The following TBCD variants were observed in gnomAD, a reference collection of about 807,000 sequenced individuals.
The protein encoded by TBCD is tubulin folding cofactor D, also known as tubulin-specific chaperone D.
TBCD carries 105 observed loss-of-function variants against 169.3 expected under a neutral mutation model. The ratio of observed to expected loss-of-function variants is 0.62; its 90% CI spans 0.53 to 0.73. TBCD has a LOEUF of 0.73. Among genes scored for constraint, TBCD ranks in the 30% least tolerant of loss-of-function variants. TBCD has a pLI of 0.00. For missense variants in TBCD, 1,444 were observed against 1,600.1 expected (o/e 0.90, Z 1.66); for synonymous variants, 700 against 643.9 (o/e 1.09, Z -1.32).
At chr17:82,855,305 C>G (rs78470820) in intron 13 of TBCD, among the ~76,000 whole-genome samples, 2,445 of 128,870 alleles carry the variant, frequency 0.019, 89 homozygotes, top group African/African-American at 0.067. Flanking sequence ...CTGTTGCTCA[C>G]GCTGGAGTGA....
intron 1 of TBCD, among the ~76,000 whole-genome samples, chr17:82,752,714 C>G (rs1353491858): frequency 6.6e-6 from 1 of 152,162 alleles, no homozygotes; most frequent in Admixed American, 6.5e-5. Context: ...GAGGAGGTCC[C>G]TGGGCTGGGG....
intron 15 of TBCD, among the ~76,000 whole-genome samples, chr17:82,885,622 A>G (rs966484265): frequency 2.6e-5 from 4 of 152,144 alleles, no homozygotes; most frequent in Admixed American, 6.5e-5. Flanking sequence ...ATATAATACA[A>G]TTTTATGTTA....
chr17:82,800,993 G>T lies in TBCD; in HGVS notation c.947G>T (p.Trp316Leu), dbSNP rs748352875. 6.2e-7 allele frequency: 1 copy of T among 1,608,336 alleles called. No homozygotes were observed. Among genetic ancestry groups the T allele is most frequent in the South Asian group, 1.1e-5 (1 of 90,694 alleles). ...LTFLKPKVAAWRYQRGCRSLA... is the reference protein window; with the variant it reads ...LTFLKPKVAALRYQRGCRSLA... ...TTCCTGAAGCCGAAGGTGGCAGCAT[G>T]GAGGTAGGCACCATGAGGGCGGTGC... Residue 316 changes from tryptophan (W) to leucine (L), a missense_variant, in exon 9 of 39, where the codon TGG becomes TTG. Physicochemically the swap from Trp to Leu is moderately conservative, Grantham distance 61. Coordinates refer to ENST00000355528, the MANE Select transcript of TBCD (RefSeq NM_005993.5).
rs928182815 is a variant in TBCD at position 82,806,925 on chromosome 17, G to A, written c.1088-683G>A. On this transcript the variant is annotated intron_variant, in intron 10 of 38. Coordinates refer to ENST00000355528, the MANE Select transcript of TBCD (RefSeq NM_005993.5). This position sits in a 1 kb window ranked among gnomAD's most constrained non-coding sequence, Gnocchi z 5.1. ...GGGGCCCTGGGTCTGCCCCTTCCCC[G>A]TGTCCGCAGCCTGCCCCAGGTTCAT... 7.9e-5 allele frequency among the ~76,000 whole-genome samples: 12 copies of A among 152,126 alleles called. No homozygotes were observed. The highest frequency in any genetic ancestry group is 1.9e-4 in the East Asian group (1 of 5,186).
At chr17:82,785,978 C>T (rs2049293695) in intron 7 of TBCD, among the ~76,000 whole-genome samples, 1 of 152,216 alleles carries the variant, frequency 6.6e-6, no homozygotes, top group Non-Finnish European at 1.5e-5. Flanking sequence ...TTGGCACCTA[C>T]ATGTGTGTCA....
Position 82,807,646 on chromosome 17 carries a change from G to T in TBCD, c.1126G>T (p.Val376Leu). ...LVGLKDKDTV[V>L]RWSAAKGIGR... The stretch of plus-strand genomic sequence containing the variant: ...CGGGCTGAAGGACAAGGACACGGTC[G>T]TGCGGTGGTCTGCAGCCAAGGGGTA... Residue 376 changes from valine (V) to leucine (L), a missense_variant, in exon 11 of 39, where the codon GTG (valine) becomes TTG (leucine). Val to Leu is a conservative substitution (Grantham distance 32, BLOSUM62 1). Coordinates refer to ENST00000355528, the MANE Select transcript of TBCD (RefSeq NM_005993.5). 1.3e-6 allele frequency: 2 copies of T among 1,552,714 alleles called. No individual in the cohort carries two copies. Among genetic ancestry groups the T allele is most frequent in the Admixed American group, 1.9e-5 (1 of 51,948 alleles).
At chr17:82,934,476 T>G (rs558289816) in intron 34 of TBCD, among the ~76,000 whole-genome samples, 1 of 152,016 alleles carries the variant, frequency 6.6e-6, no homozygotes, top group Non-Finnish European at 1.5e-5. Flanking sequence ...ATACTCCATT[T>G]AAATTTTTTT....
rs569573654 is a variant in TBCD at position 82,837,906 on chromosome 17, C to T, written c.1318+22972C>T. On this transcript the variant is annotated intron_variant, in intron 13 of 38. Transcript: ENST00000355528. ...TGTAGACAGTGTCTACACTAAAGGG[C>T]GTAAGAACAGTGGGGTGCAGTGGCT... 4.6e-5 allele frequency among the ~76,000 whole-genome samples: 7 copies of T among 152,328 alleles called. No homozygotes were observed. In the South Asian group the frequency reaches 1.2e-3, roughly 27 times the overall value.
Position 82,942,581 on chromosome 17 carries a change from C to T in TBCD, c.*118C>T. ...TCCAGCTGTTGAAGGGTAGCGCTGG[C>T]CCTTGGAGGCTGGCACTAGCTGACA... On this transcript the variant is annotated 3_prime_UTR_variant, in exon 39 of 39. Coordinates refer to ENST00000355528, the MANE Select transcript of TBCD (RefSeq NM_005993.5). The T allele has an allele frequency of 1.4e-6, 2 of 1,413,388 alleles. No homozygotes were observed. The highest frequency in any genetic ancestry group is 2.0e-6 in the Non-Finnish European group (2 of 1,013,214). The allele number at this position is 1,413,388 out of a possible 1,614,324, so 87.6% of individuals were successfully genotyped here.
intron 21 of TBCD, 108 bp downstream of exon 21, chr17:82,907,929 C>A: frequency 8.3e-7 from 1 of 1,201,904 alleles, no homozygotes; most frequent in Non-Finnish European, 1.2e-6. Flanking sequence ...GGCCACTGTG[C>A]TCCATCAGTC....
Position 82,772,554 on chromosome 17 carries a change from A to T in TBCD, c.638+47A>T, listed in dbSNP as rs200976567. 4.6e-5 allele frequency: 74 copies of T among 1,602,388 alleles called. 1 individual carries two copies. In the East Asian group the frequency reaches 1.4e-3, roughly 31 times the overall value. The stretch of plus-strand genomic sequence containing the variant: ...CTTGGTGTGTGGCTGGTGGGTTCTG[A>T]GAGGGGTTTGTTTGGGTACGTGTTT... On this transcript the variant is annotated intron_variant, in intron 6 of 38. Transcript: ENST00000355528.
Position 82,889,515 on chromosome 17 carries a change from G to T in TBCD, c.1534-153G>T, listed in dbSNP as rs939216215. Reference sequence around the variant, plus strand: ...CACCAGGACGTAAAAACAGAGTGACGCACCTTGAGGCTCTGTTCAGCCAAC... The same window carrying T: ...CACCAGGACGTAAAAACAGAGTGACTCACCTTGAGGCTCTGTTCAGCCAAC... On this transcript the variant is annotated intron_variant, in intron 15 of 38. Transcript: ENST00000355528. This position sits in a 1 kb window ranked among gnomAD's most constrained non-coding sequence, Gnocchi z 5.3. Among the ~76,000 whole-genome samples, 1 of 152,132 alleles carries T rather than the reference G, an allele frequency of 6.6e-6. No homozygotes were observed. The highest frequency in any genetic ancestry group is 2.1e-4 in the South Asian group (1 of 4,822).
At chr17:82,904,806 C>T (rs56274787) in intron 19 of TBCD, among the ~76,000 whole-genome samples, 40,018 of 151,978 alleles carry the variant, frequency 0.26, 5,956 homozygotes, top group Admixed American at 0.34. Context: ...ATCCACGTCA[C>T]GGGTTTAGTG....
chr17:82,845,667 C>T (rs752823582), intron 13 of TBCD, among the ~76,000 whole-genome samples: 4 of 152,194 alleles, frequency 2.6e-5, no homozygotes, highest in African/African-American at 7.2e-5. Flanking sequence ...GTCCCTTCCG[C>T]AGCAGCATCC....
intron 12 of TBCD, among the ~76,000 whole-genome samples, chr17:82,812,118 A>T (rs969833729): frequency 2.0e-5 from 3 of 151,992 alleles, no homozygotes; most frequent in African/African-American, 7.2e-5. Flanking sequence ...GTAGCGCCAG[A>T]CCCCAGGCTG....
chr17:82,831,131 G>C lies in TBCD; in HGVS notation c.1318+16197G>C. 6.2e-7 allele frequency: 1 copy of C among 1,614,142 alleles called. No individual in the cohort carries two copies. Among genetic ancestry groups the C allele is most frequent in the South Asian group, 1.1e-5 (1 of 91,084 alleles). On this transcript the variant is annotated intron_variant, in intron 13 of 38. Transcript: ENST00000355528. This position sits in a 1 kb window ranked among gnomAD's most constrained non-coding sequence, Gnocchi z 4.6. ...TGCTCTGGCGGGTAGAGTCTTCCCA[G>C]TGCGCTGGAGGCTGCCTTGTTGGAG...
chr17:82,901,655 C>T (rs530447763), intron 18 of TBCD, among the ~76,000 whole-genome samples: 9 of 145,732 alleles, frequency 6.2e-5, no homozygotes, highest in South Asian at 2.2e-4. Flanking sequence ...GGCTACCTGC[C>T]GTGGTCCTGC....
Position 82,768,401 on chromosome 17 carries a change from C to T in TBCD, c.436-19C>T. The T allele has an allele frequency of 6.2e-7, 1 of 1,613,534 alleles. No homozygotes were observed. The highest frequency in any genetic ancestry group is 8.5e-7 in the Non-Finnish European group (1 of 1,179,592). On this transcript the variant is annotated intron_variant, in intron 4 of 38. Transcript: ENST00000355528. Reference sequence around the variant, plus strand: ...GATTTTCAAGCAAGACTCATTCTTCCCGTGGTTTAATTTTTTAGGCTTGGG... The same window carrying T: ...GATTTTCAAGCAAGACTCATTCTTCTCGTGGTTTAATTTTTTAGGCTTGGG...
intron 26 of TBCD, among the ~76,000 whole-genome samples, chr17:82,924,294 G>A (rs1395086904): frequency 6.6e-6 from 1 of 152,122 alleles, no homozygotes; most frequent in East Asian, 1.9e-4. Flanking sequence ...ACATTTTTCT[G>A]CTGTGTGTTT....
Sources: gnomAD v4.1 joint callset for allele counts (sites outside exome capture counted in the v4.1 genomes callset) on GRCh38, gnomAD v4.1.1 for gene constraint, Gnocchi (gnomAD v3.1) non-coding constraint, MANE v1.5 for transcripts, NCBI Gene and HGNC (gene_info 2026-07-23, HGNC 2026-07-21) for gene names.